KANK1: variants seen among roughly 807,000 people sequenced by gnomAD.
The protein encoded by KANK1 is KN motif and ankyrin repeat domains 1, also known as KN motif and ankyrin repeat domain-containing protein 1.
In KANK1, 109 loss-of-function variants were observed where a neutral mutation model predicts 106.2. The ratio of observed to expected loss-of-function variants is 1.03; its 90% confidence interval spans 0.88 to 1.20. The LOEUF is 1.20. Ranked by LOEUF, KANK1 falls within the 50% of genes most tolerant of loss-of-function variation. The probability of loss-of-function intolerance (pLI) is 0.00; values close to 1 mark genes in which losing one functional copy is unlikely to be tolerated. For synonymous variants in KANK1, 873 were observed against 652.2 expected (o/e 1.34, Z -5.16); for missense variants, 2,399 against 1,710.7 (o/e 1.40, Z -7.10).
chr9:634,620 C>T (rs1563900933), intron 1 of KANK1, among the ~76,000 whole-genome samples: 2 of 152,266 alleles, frequency 1.3e-5, no homozygotes, highest in South Asian at 4.1e-4. Flanking sequence ...GCAGTTTCAG[C>T]ACCTGAACAA....
intron 1 of KANK1, among the ~76,000 whole-genome samples, chr9:597,703 GC>G (rs1241354965): frequency 1.3e-5 from 2 of 150,074 alleles, no homozygotes; most frequent in Admixed American, 6.6e-5. Context: ...TTGCTCTGTT[GC>G]CCAGGCTGGA....
At chr9:531,872 C>T (rs2060073014) in intron 1 of KANK1, among the ~76,000 whole-genome samples, 1 of 151,894 alleles carries the variant, frequency 6.6e-6, no homozygotes, top group African/African-American at 2.4e-5. Context: ...TGTGTGTGGG[C>T]CAGATTGTTG....
At chr9:694,750 T>A (rs1486839570) in intron 2 of KANK1, among the ~76,000 whole-genome samples, 1 of 152,134 alleles carries the variant, frequency 6.6e-6, no homozygotes, top group Non-Finnish European at 1.5e-5. Context: ...TTCTGGCCTC[T>A]TAACCCATGC....
chr9:736,377 T>A (rs532095490), intron 7 of KANK1, among the ~76,000 whole-genome samples: 2 of 152,310 alleles, frequency 1.3e-5, no homozygotes, highest in Non-Finnish European at 2.9e-5. Flanking sequence ...AAATGGAACC[T>A]GTAGATACAG....
chr9:690,404 G>A (rs549677345), intron 2 of KANK1, among the ~76,000 whole-genome samples: 196 of 152,022 alleles, frequency 1.3e-3, no homozygotes, highest in African/African-American at 4.6e-3. Flanking sequence ...AGAGTAAGCA[G>A]TAGCAGTAGA....
intron 1 of KANK1, among the ~76,000 whole-genome samples, chr9:592,617 G>T (rs188443592): frequency 6.6e-5 from 10 of 151,972 alleles, no homozygotes; most frequent in Admixed American, 3.9e-4. Flanking sequence ...CTAACCACAA[G>T]ATTGCACAGG....
At chr9:662,225 C>T (rs796673691) in intron 1 of KANK1, among the ~76,000 whole-genome samples, 1 of 152,076 alleles carries the variant, frequency 6.6e-6, no homozygotes, top group Non-Finnish European at 1.5e-5. Flanking sequence ...TAGGAAGAAT[C>T]AATATTGTGA....
intron 1 of KANK1, among the ~76,000 whole-genome samples, chr9:662,654 T>C (rs553655642): frequency 7.9e-4 from 105 of 132,676 alleles, no homozygotes; most frequent in Middle Eastern, 7.5e-3. Flanking sequence ...TTACACCTTA[T>C]ACAAAAGTTA....
rs764637322 is a variant in KANK1 at position 744,487 on chromosome 9, T to C, written c.3898-4T>C. ...ATGGCTTGTTCTTTCCATCTTATCT[T>C]AAGGATGGCAGCACTGCGCTCTCAA... On this transcript the variant is annotated splice_region_variant and splice_polypyrimidine_tract_variant and intron_variant, in intron 10 of 11. Coordinates refer to ENST00000382297, the MANE Select transcript of KANK1 (RefSeq NM_015158.5). 2 of 1,611,278 alleles carry C rather than the reference T, an allele frequency of 1.2e-6. No homozygotes were observed. The highest frequency in any genetic ancestry group is 1.7e-5 in the Admixed American group (1 of 59,910).
At chr9:479,221 A>C (rs544853472) in intron 3 of KANK1, among the ~76,000 whole-genome samples, 1 of 152,224 alleles carries the variant, frequency 6.6e-6, no homozygotes, top group East Asian at 1.9e-4. Flanking sequence ...CTGGTTACCA[A>C]TGTTAACAGA....
intron 8 of KANK1, among the ~76,000 whole-genome samples, chr9:739,137 T>C (rs780176918): frequency 6.6e-6 from 1 of 152,168 alleles, no homozygotes; most frequent in Non-Finnish European, 1.5e-5. Context: ...ATCTTAGACA[T>C]GAAGTGAGGG....
At chr9:653,619 G>T (rs898931738) in intron 1 of KANK1, among the ~76,000 whole-genome samples, 2 of 152,066 alleles carry the variant, frequency 1.3e-5, no homozygotes, top group African/African-American at 4.8e-5. Flanking sequence ...GATTTCGGAG[G>T]TTTCAAGAGC....
Position 527,751 on chromosome 9 carries a change from T to C in KANK1, c.-84+22997T>C, listed in dbSNP as rs557617334. ...ACTAGTTTGGCCAGGTGTACAGTTC[T>C]AGTTTGAAAGTCCTTTTCCCTCAGA... On this transcript the variant is annotated intron_variant, in intron 1 of 11. Coordinates refer to ENST00000382297, the MANE Select transcript of KANK1 (RefSeq NM_015158.5). 2.0e-5 allele frequency among the ~76,000 whole-genome samples: 3 copies of C among 151,062 alleles called. No homozygotes were observed. In the South Asian group the frequency reaches 6.3e-4, roughly 32 times the overall value.
chr9:540,493 T>G (rs2060539007), intron 1 of KANK1: 1 of 152,206 alleles, frequency 6.6e-6, no homozygotes, highest in Non-Finnish European at 1.5e-5. Flanking sequence ...GACCCATAAT[T>G]TTATTTTCTT....
At chr9:606,140 C>G (rs1257749991) in intron 1 of KANK1, among the ~76,000 whole-genome samples, 1 of 92,386 alleles carries the variant, frequency 1.1e-5, no homozygotes, top group Non-Finnish European at 2.4e-5. Context: ...TACACATATT[C>G]CTACACACAC....
intron 2 of KANK1, among the ~76,000 whole-genome samples, chr9:685,353 C>G (rs954572608): frequency 6.6e-6 from 1 of 151,946 alleles, no homozygotes; most frequent in African/African-American, 2.4e-5. Flanking sequence ...CTAGTTAAAG[C>G]AAGCCATGGC....
intron 1 of KANK1, among the ~76,000 whole-genome samples, chr9:572,300 C>T (rs1170321587): frequency 6.6e-6 from 1 of 151,816 alleles, no homozygotes; most frequent in Non-Finnish European, 1.5e-5. Context: ...GGACTACTTG[C>T]TTGTGCTGCC....
chr9:482,749 A>C (rs573742741), intron 3 of KANK1, among the ~76,000 whole-genome samples: 1 of 152,366 alleles, frequency 6.6e-6, no homozygotes, highest in South Asian at 2.1e-4. Flanking sequence ...TCTGCCAAAC[A>C]ATACACGCAT....
At chr9:732,054 G>C (rs577985293) in intron 5 of KANK1, 10 of 197,104 alleles carry the variant, frequency 5.1e-5, no homozygotes, top group Non-Finnish European at 8.4e-5. Flanking sequence ...ACATGGGGTG[G>C]GGGGGGGACA....
Sources: gnomAD v4.1 joint callset for allele counts (sites outside exome capture counted in the v4.1 genomes callset) on GRCh38, gnomAD v4.1.1 for gene constraint, MANE v1.5 for transcripts, NCBI Gene and HGNC (gene_info 2026-07-23, HGNC 2026-07-21) for gene names.